The following TRIO variants were observed in gnomAD, a reference collection of about 807,000 sequenced individuals.
The protein encoded by TRIO is trio Rho guanine nucleotide exchange factor, also known as triple functional domain protein.
In TRIO, 58 loss-of-function variants were observed where a neutral mutation model predicts 351.9. The observed-to-expected ratio is 0.16, with a 90% CI of 0.13 to 0.21. The LOEUF is 0.21. TRIO is among the 10% of genes least tolerant of loss of function. TRIO has a pLI of 1.00. For synonymous variants in TRIO, 1,758 were observed against 1,595.7 expected (o/e 1.10, Z -2.42); for missense variants, 3,201 against 4,027.8 (o/e 0.79, Z 5.56).
At chr5:14,359,336 T>C (rs987878869) in intron 12 of TRIO, 21 bp from the exon 13 acceptor site, 7 of 1,599,036 alleles carry the variant, frequency 4.4e-6, no homozygotes, top group African/African-American at 1.3e-5. Context: ...CCAATTCCTG[T>C]TCCTCTGTGT....
chr5:14,498,657 G>A lies in TRIO; in HGVS notation c.8332+17G>A, dbSNP rs374969710. The stretch of plus-strand genomic sequence containing the variant: ...GGGTCCTAGGTAAGCACCGTGCAAC[G>A]AGGATTCTACGTGACCCAGTGGGGC... On this transcript the variant is annotated intron_variant, in intron 53 of 56. Transcript: ENST00000344204. 4.0e-5 allele frequency: 64 copies of A among 1,610,060 alleles called. No individual in the cohort carries two copies. Among genetic ancestry groups the A allele is most frequent in the Non-Finnish European group, 5.0e-5 (59 of 1,176,690 alleles).
chr5:14,459,365 A>T (rs977950863), intron 34 of TRIO, among the ~76,000 whole-genome samples: 8 of 152,216 alleles, frequency 5.3e-5, no homozygotes, highest in Non-Finnish European at 2.9e-5. Flanking sequence ...TTGACTTGAG[A>T]AGATAGCAAG....
rs1792475645 is a variant in TRIO at position 14,219,788 on chromosome 5, CA to C, written c.158-51036del. 2.0e-5 allele frequency among the ~76,000 whole-genome samples: 3 copies of C among 152,112 alleles called. No homozygotes were observed. The South Asian group carries it at 6.2e-4, about 32-fold the overall frequency. On this transcript the variant is annotated intron_variant, in intron 1 of 56. Coordinates refer to ENST00000344204, the MANE Select transcript of TRIO (RefSeq NM_007118.4). Reference sequence around the variant, plus strand: ...TACCTGAGGACTAACATTAAAGAACCATTTCTGGAGGAGGTAAAATAGATCA... The same window carrying C: ...TACCTGAGGACTAACATTAAAGAACCTTTCTGGAGGAGGTAAAATAGATCA...
At chr5:14,176,682 C>G (rs1789427312) in intron 1 of TRIO, among the ~76,000 whole-genome samples, 1 of 152,158 alleles carries the variant, frequency 6.6e-6, no homozygotes, top group Non-Finnish European at 1.5e-5. Flanking sequence ...CGGTCTTGAA[C>G]TCCTACCCAC....
chr5:14,496,778 A>G lies in TRIO; in HGVS notation c.7881-101A>G, dbSNP rs1756921746. 4.1e-6 allele frequency: 6 copies of G among 1,479,026 alleles called. No individual in the cohort carries two copies. The East Asian group carries it at 9.3e-5, about 23-fold the overall frequency. 91.6% of individuals were successfully genotyped at this position (1,479,026 alleles called of 1,614,324 possible). The stretch of plus-strand genomic sequence containing the variant: ...CGTAGAGGATTTCCCATCCCCCTGC[A>G]CACACATACGTTGAATATTCAGCTT... On this transcript the variant is annotated intron_variant, in intron 49 of 56. Coordinates refer to ENST00000344204, the MANE Select transcript of TRIO (RefSeq NM_007118.4).
At chr5:14,386,152 A>G (rs1579500146) in intron 21 of TRIO, among the ~76,000 whole-genome samples, 1 of 152,230 alleles carries the variant, frequency 6.6e-6, no homozygotes, top group Non-Finnish European at 1.5e-5. Flanking sequence ...AAGGGGGTCC[A>G]GGGAGGGCCC....
intron 33 of TRIO, among the ~76,000 whole-genome samples, chr5:14,408,779 C>T (rs576463568): frequency 1.3e-3 from 194 of 152,120 alleles, no homozygotes; most frequent in Non-Finnish European, 1.9e-3. Flanking sequence ...TTTGAGATCA[C>T]CGTCAAGCCC....
chr5:14,373,257 C>T (rs966378561), intron 18 of TRIO, among the ~76,000 whole-genome samples: 2 of 152,196 alleles, frequency 1.3e-5, no homozygotes, highest in African/African-American at 4.8e-5. Context: ...TATCAGACAA[C>T]TCGAAATTTC....
intron 34 of TRIO, among the ~76,000 whole-genome samples, chr5:14,442,438 G>A (rs1323577683): frequency 6.6e-6 from 1 of 152,200 alleles, no homozygotes; most frequent in Non-Finnish European, 1.5e-5. Flanking sequence ...GGCATCTGAA[G>A]GGGAAGTGGC....
chr5:14,389,268 C>G, intron 24 of TRIO, 21 bp from the exon 25 acceptor site: 1 of 1,566,226 alleles, frequency 6.4e-7, no homozygotes, highest in East Asian at 2.3e-5. Context: ...TTTGTCTAAT[C>G]CCTGTTTCCC....
rs1445932047 is a variant in TRIO at position 14,509,945 on chromosome 5, T to C, written c.*1523T>C. ...CTTCCAGTGTATTTTATTTATTCTTTTGTTGGGTTTTTGTTTGTTTCTTCT... is the reference window on the plus strand; with the variant it reads ...CTTCCAGTGTATTTTATTTATTCTTCTGTTGGGTTTTTGTTTGTTTCTTCT... On this transcript the variant is annotated 3_prime_UTR_variant, in exon 57 of 57. Coordinates refer to ENST00000344204, the MANE Select transcript of TRIO (RefSeq NM_007118.4). 6.6e-6 allele frequency: 1 copy of C among 152,264 alleles called. No homozygotes were observed. Among genetic ancestry groups the C allele is most frequent in the African/African-American group, 2.4e-5 (1 of 41,470 alleles). The allele number at this position is 152,264 out of a possible 1,614,324, so 9.4% of individuals were successfully genotyped here. A position where few individuals can be genotyped will look rare whatever the true frequency, so the allele number is the denominator to read the frequency against.
rs10866507 is a variant in TRIO, at chr5:14,377,979, C to T, written c.3332-33C>T. Reference sequence around the variant, plus strand: ...CGCGGTTGTTTTAATTGATTGCAAGCACCAACATACATCATTTTCTTTTTT... The same window carrying T: ...CGCGGTTGTTTTAATTGATTGCAAGTACCAACATACATCATTTTCTTTTTT... On this transcript the variant is annotated intron_variant, in intron 19 of 56. Coordinates refer to ENST00000344204, the MANE Select transcript of TRIO (RefSeq NM_007118.4). 0.06 allele frequency: 91,846 copies of T among 1,534,864 alleles called. 4,059 individuals are homozygous for T. Among genetic ancestry groups the T allele is most frequent in the African/African-American group, 0.22 (16,551 of 73,662 alleles).
At chr5:14,403,414 GGTT>G (rs1748333251) in intron 31 of TRIO, among the ~76,000 whole-genome samples, 1 of 103,968 alleles carries the variant, frequency 9.6e-6, no homozygotes, top group Non-Finnish European at 1.9e-5. Flanking sequence ...TGAGGGTGTA[GGTT>G]GTGGTGAGGG....
At chr5:14,393,963 G>A (rs1434991274) in intron 27 of TRIO, 75 bp from the exon 28 acceptor site, 3 of 938,282 alleles carry the variant, frequency 3.2e-6, no homozygotes, top group Admixed American at 2.2e-5. Flanking sequence ...ATTTGGAAAA[G>A]TAATGTGTTT....
At position 14,286,978 on chromosome 5, in the gene TRIO, G is replaced by A; in HGVS notation, c.455G>A (p.Cys152Tyr). 1 of 1,614,208 alleles carries A rather than the reference G, an allele frequency of 6.2e-7. No homozygotes were observed. Among genetic ancestry groups the A allele is most frequent in the Non-Finnish European group, 8.5e-7 (1 of 1,180,036 alleles). Reference protein sequence around the residue: ...LKILQESFPCCIHVALIIKPD... With the variant: ...LKILQESFPCYIHVALIIKPD... ...ATCCTGCAGGAGTCCTTCCCCTGCT[G>A]CATCCATGTGGCCCTGATCATCAAG... Residue 152 changes from cysteine (C) to tyrosine (Y), a missense_variant, in exon 4 of 57, where the codon TGC (cysteine) becomes TAC (tyrosine). Transcript: ENST00000344204. This position sits in a 1 kb window ranked among gnomAD's most constrained non-coding sequence, Gnocchi z 4.4.
At chr5:14,489,034 G>C in intron 48 of TRIO, 2 of 765,316 alleles carry the variant, frequency 2.6e-6, no homozygotes, top group Non-Finnish European at 4.8e-6. Flanking sequence ...CTACAGGGCA[G>C]ATGGCCTGGC....
At chr5:14,386,866 G>C (rs1436318470) in intron 21 of TRIO, among the ~76,000 whole-genome samples, 2 of 152,204 alleles carry the variant, frequency 1.3e-5, no homozygotes, top group Non-Finnish European at 2.9e-5. Context: ...CCTGACTAGT[G>C]AATTTTCCTT....
At chr5:14,363,587 T>C in intron 13 of TRIO, 145 bp from the exon 14 acceptor site, 1 of 620,306 alleles carries the variant, frequency 1.6e-6, no homozygotes, top group South Asian at 2.6e-5. Context: ...AGGTGTGATT[T>C]GTATACCACC....
chr5:14,474,141 C>T (rs775263016), intron 40 of TRIO, 44 bp downstream of exon 40: 198 of 1,578,798 alleles, frequency 1.3e-4, no homozygotes, highest in Non-Finnish European at 1.7e-4. Context: ...AAAGCAGCCA[C>T]ACTTGCTAAA....
Sources: gnomAD v4.1 joint callset for allele counts (sites outside exome capture counted in the v4.1 genomes callset) on GRCh38, gnomAD v4.1.1 for gene constraint, Gnocchi (gnomAD v3.1) non-coding constraint, MANE v1.5 for transcripts, NCBI Gene and HGNC (gene_info 2026-07-23, HGNC 2026-07-21) for gene names.